Variants in OPCML observed in about 807,000 individuals in gnomAD.
OPCML encodes opioid binding protein/cell adhesion molecule like.
In OPCML, 13 loss-of-function variants were observed where a neutral mutation model predicts 37.8. That is an observed-to-expected ratio of 0.34 (90% CI 0.22 to 0.55). OPCML has a LOEUF of 0.55. Among genes scored for constraint, OPCML ranks in the 20% least tolerant of loss-of-function variants. The probability of loss-of-function intolerance (pLI) is 0.91; values close to 1 mark genes in which losing one functional copy is unlikely to be tolerated. For synonymous variants in OPCML, 176 were observed against 168.8 expected (o/e 1.04, Z -0.33); for missense variants, 341 against 435.6 (o/e 0.78, Z 1.93).
At chr11:132,545,315 T>C (rs999491953) in intron 3 of OPCML, among the ~76,000 whole-genome samples, 2 of 152,172 alleles carry the variant, frequency 1.3e-5, no homozygotes, top group Non-Finnish European at 2.9e-5. Context: ...CAAGTTTACT[T>C]TCATAGCCTG....
intron 1 of OPCML, among the ~76,000 whole-genome samples, chr11:133,062,653 G>A (rs973979633): frequency 4.6e-5 from 7 of 152,080 alleles, no homozygotes; most frequent in African/African-American, 9.7e-5. Context: ...GATTTAATGC[G>A]TCACCGCACC....
chr11:132,477,710 G>C (rs974948237), intron 4 of OPCML, among the ~76,000 whole-genome samples: 3 of 152,342 alleles, frequency 2.0e-5, no homozygotes, highest in Middle Eastern at 3.4e-3. Flanking sequence ...TGTGTGCTGT[G>C]TTTTTATTCT....
chr11:133,210,069 T>C (rs947668727), intron 1 of OPCML, among the ~76,000 whole-genome samples: 1 of 152,196 alleles, frequency 6.6e-6, no homozygotes, highest in Non-Finnish European at 1.5e-5. Context: ...ACCGCGACAA[T>C]GCATAAAGTC....
At chr11:132,523,383 G>T (rs1268133008) in intron 4 of OPCML, among the ~76,000 whole-genome samples, 1 of 138,248 alleles carries the variant, frequency 7.2e-6, no homozygotes, top group East Asian at 2.0e-4. Flanking sequence ...CCCCCAGACA[G>T]GTGTCATCAG....
intron 2 of OPCML, among the ~76,000 whole-genome samples, chr11:132,662,750 A>G (rs112457852): frequency 0.022 from 3,398 of 152,350 alleles, 110 homozygotes; most frequent in African/African-American, 0.066. Flanking sequence ...AGTTGGGTGC[A>G]ATAAGATGCA....
At chr11:133,502,262 C>A (rs1012367612) in intron 1 of OPCML, among the ~76,000 whole-genome samples, 1 of 152,184 alleles carries the variant, frequency 6.6e-6, no homozygotes, top group African/African-American at 2.4e-5. Context: ...AGAAATGACG[C>A]CATACAGCAG....
chr11:133,174,856 C>T lies in OPCML; in HGVS notation c.62-231846G>A, dbSNP rs1950344886. On this transcript the variant is annotated intron_variant, in intron 1 of 7. Coordinates refer to ENST00000524381, the MANE Select transcript of OPCML (RefSeq NM_001012393.5). The surrounding 1 kb of genome is among the most constrained non-coding windows in gnomAD (Gnocchi z 4.6). ...TTTAAAATAACCTGTAATCCCAGCACTTTGGGAGGCCAAGGCAGGAGGATC... is the reference window on the plus strand; with the variant it reads ...TTTAAAATAACCTGTAATCCCAGCATTTTGGGAGGCCAAGGCAGGAGGATC... Among the ~76,000 whole-genome samples, 1 of 152,164 alleles carries T rather than the reference C, an allele frequency of 6.6e-6. No individual in the cohort carries two copies. The highest frequency in any genetic ancestry group is 2.4e-5 in the African/African-American group (1 of 41,442).
chr11:132,564,129 C>A (rs2096416853), intron 3 of OPCML, among the ~76,000 whole-genome samples: 1 of 152,232 alleles, frequency 6.6e-6, no homozygotes, highest in South Asian at 2.1e-4. Flanking sequence ...GTGACGCCTG[C>A]TCTCCCGATT....
chr11:132,973,098 G>T lies in OPCML; in HGVS notation c.62-30088C>A, dbSNP rs553478106. ...TTGTTTTTAATCAACTTTTGTGCTA[G>T]TGCCAGACCCTGACTTGACAACCTT... On this transcript the variant is annotated intron_variant, in intron 1 of 7. Transcript: ENST00000524381. Among the ~76,000 whole-genome samples, 34 of 152,242 alleles carry T rather than the reference G, an allele frequency of 2.2e-4. No homozygotes were observed. In the Middle Eastern group the frequency reaches 0.01, roughly 46 times the overall value.
intron 2 of OPCML, among the ~76,000 whole-genome samples, chr11:132,790,532 T>C (rs773107796): frequency 4.5e-4 from 69 of 152,244 alleles, no homozygotes; most frequent in Non-Finnish European, 8.5e-4. Context: ...TATGGAATGA[T>C]AGGCTGGTTC....
intron 2 of OPCML, among the ~76,000 whole-genome samples, chr11:132,685,013 T>C (rs188846802): frequency 1.3e-5 from 2 of 152,346 alleles, no homozygotes; most frequent in Non-Finnish European, 2.9e-5. Context: ...ACCTGCAGAA[T>C]GATTGTGTTT....
intron 1 of OPCML, among the ~76,000 whole-genome samples, chr11:133,180,353 G>A (rs1228144510): frequency 6.6e-6 from 1 of 152,182 alleles, no homozygotes; most frequent in African/African-American, 2.4e-5. Context: ...AGGTGGACAC[G>A]TGGCAGCAGC....
intron 2 of OPCML, among the ~76,000 whole-genome samples, chr11:132,882,134 T>C (rs2725430): frequency 0.21 from 31,701 of 151,658 alleles, 3,514 homozygotes; most frequent in Middle Eastern, 0.25. Context: ...AGGGGGAGGG[T>C]AAGAAAAAGA....
At chr11:132,766,603 A>G (rs192372872) in intron 2 of OPCML, among the ~76,000 whole-genome samples, 3 of 152,088 alleles carry the variant, frequency 2.0e-5, no homozygotes, top group Non-Finnish European at 4.4e-5. Flanking sequence ...TCAATTGTCC[A>G]CCCTCATGAC....
At chr11:133,458,395 T>C (rs1373753433) in intron 1 of OPCML, among the ~76,000 whole-genome samples, 45 of 42,894 alleles carry the variant, frequency 1.0e-3, no homozygotes, top group South Asian at 2.1e-3. Context: ...TGTATATATA[T>C]ACACATATAT....
chr11:132,841,940 T>A (rs1941310639), intron 2 of OPCML, among the ~76,000 whole-genome samples: 1 of 150,958 alleles, frequency 6.6e-6, no homozygotes, highest in Non-Finnish European at 1.5e-5. Context: ...AGATATGGTC[T>A]TAGTTAGACC....
At chr11:132,750,667 G>A (rs1206848257) in intron 2 of OPCML, among the ~76,000 whole-genome samples, 3 of 152,072 alleles carry the variant, frequency 2.0e-5, no homozygotes, top group Non-Finnish European at 2.9e-5. Flanking sequence ...TGAATATTCT[G>A]TACAAATCCA....
intron 2 of OPCML, among the ~76,000 whole-genome samples, chr11:132,667,708 T>C (rs1391498371): frequency 6.6e-6 from 1 of 152,196 alleles, no homozygotes; most frequent in Admixed American, 6.5e-5. Context: ...AGTGGAAGAC[T>C]AAGTTATCAG....
At chr11:133,424,269 C>T (rs1217085354) in intron 1 of OPCML, among the ~76,000 whole-genome samples, 2 of 152,120 alleles carry the variant, frequency 1.3e-5, no homozygotes, top group East Asian at 3.9e-4. Flanking sequence ...GGAACAAACA[C>T]AAACAAGCTC....
Sources: gnomAD v4.1 joint callset for allele counts (sites outside exome capture counted in the v4.1 genomes callset) on GRCh38, gnomAD v4.1.1 for gene constraint, Gnocchi (gnomAD v3.1) non-coding constraint, MANE v1.5 for transcripts, NCBI Gene and HGNC (gene_info 2026-07-23, HGNC 2026-07-21) for gene names.